CXCL13: variants seen among roughly 807,000 people sequenced by gnomAD.
The protein encoded by CXCL13 is C-X-C motif chemokine 13.
CXCL13 carries 7 observed loss-of-function variants against 12.2 expected under a neutral mutation model. The ratio of observed to expected loss-of-function variants is 0.57; its 90% CI spans 0.33 to 1.07. CXCL13 has a LOEUF of 1.07. Among genes scored for constraint, CXCL13 ranks in the 50% least tolerant of loss-of-function variants. The pLI, the probability that CXCL13 is intolerant of heterozygous loss-of-function variation, is 0.04. For synonymous variants in CXCL13, 47 were observed against 42.4 expected, an observed-to-expected ratio of 1.11 and a Z score of -0.42; for missense variants, 113 against 127.4, an observed-to-expected ratio of 0.89 and a Z score of 0.55.
At chr4:77,577,886 C>G (rs890752094) in intron 1 of CXCL13, among the ~76,000 whole-genome samples, 1 of 152,130 alleles carries the variant, frequency 6.6e-6, no homozygotes, top group Non-Finnish European at 1.5e-5. Flanking sequence ...ATCCTGAACC[C>G]CTGGGACTCC....
At chr4:77,518,271 T>A (rs1017355129) in intron 1 of CXCL13, among the ~76,000 whole-genome samples, 3 of 152,228 alleles carry the variant, frequency 2.0e-5, no homozygotes, top group Admixed American at 2.0e-4. Context: ...CAATTCTGTG[T>A]CTTGGAGTTG....
At chr4:77,577,537 T>A (rs1243896928) in intron 1 of CXCL13, among the ~76,000 whole-genome samples, 1 of 152,142 alleles carries the variant, frequency 6.6e-6, no homozygotes, top group Non-Finnish European at 1.5e-5. Context: ...TGGATAAAGG[T>A]CATGCTAGTA....
rs111340562 is a variant in CXCL13 at position 77,560,373 on chromosome 4, A to G, written c.-42-45451A>G. Among the ~76,000 whole-genome samples, 1,454 of 152,254 alleles carry G rather than the reference A, an allele frequency of 9.5e-3. 6 individuals carry two copies. The highest frequency in any genetic ancestry group is 0.017 in the Middle Eastern group (5 of 294). On this transcript the variant is annotated intron_variant, in intron 1 of 4. Coordinates refer to the CXCL13 transcript ENST00000286758. ...ATTGGCCACCTGCTTCTTTATCTCC[A>G]ACTGCCTCAGCCAAAGGTCAACAGG...
In CXCL13 at chr4:77,558,966, T is replaced by C. The variant is rs141605396; in HGVS notation, c.-42-46858T>C. Among the ~76,000 whole-genome samples, 684 of 152,322 alleles carry C rather than the reference T, an allele frequency of 4.5e-3. 19 individuals carry two copies. Among genetic ancestry groups the C allele is most frequent in the East Asian group, 0.027 (141 of 5,176 alleles). On this transcript the variant is annotated intron_variant, in intron 1 of 4. Coordinates refer to the CXCL13 transcript ENST00000286758. ...TATTCAAGGCCTTAATTGAGCTTGG[T>C]GAAGCCACCCGATTCTATTGCCTCT...
chr4:77,586,179 A>T (rs904130273), intron 1 of CXCL13, among the ~76,000 whole-genome samples: 1 of 152,010 alleles, frequency 6.6e-6, no homozygotes, highest in African/African-American at 2.4e-5. Context: ...CCATATGCAT[A>T]ACCTCGTTTG....
chr4:77,607,903 C>A, intron 2 of CXCL13, 68 bp downstream of exon 2: 1 of 1,468,710 alleles, frequency 6.8e-7, no homozygotes, highest in Non-Finnish European at 9.5e-7. Flanking sequence ...TGTTACCATA[C>A]AGTAGTCTTA....
chr4:77,568,667 G>C (rs1725993969), intron 1 of CXCL13, among the ~76,000 whole-genome samples: 1 of 152,008 alleles, frequency 6.6e-6, no homozygotes, highest in African/African-American at 2.4e-5. Flanking sequence ...GATGCTCTAG[G>C]GTTTTTGGCA....
intron 1 of CXCL13, among the ~76,000 whole-genome samples, chr4:77,581,724 C>T (rs1318136867): frequency 6.6e-6 from 1 of 152,182 alleles, no homozygotes. Flanking sequence ...ACAATCTTTT[C>T]CCACTATCCT....
intron 1 of CXCL13, among the ~76,000 whole-genome samples, chr4:77,513,102 A>G (rs187122476): frequency 8.6e-4 from 131 of 152,266 alleles, no homozygotes; most frequent in African/African-American, 2.9e-3. Context: ...TGAAAAGGAC[A>G]TGAACTCATC....
At chr4:77,521,508 G>T (rs1044388948) in intron 1 of CXCL13, among the ~76,000 whole-genome samples, 3 of 152,106 alleles carry the variant, frequency 2.0e-5, no homozygotes, top group Non-Finnish European at 4.4e-5. Context: ...TTGTGTAGAG[G>T]TGTTTATAGT....
rs1051626987 is a variant in CXCL13 at position 77,547,121 on chromosome 4, C to T, written c.-43+35333C>T. The stretch of plus-strand genomic sequence containing the variant: ...TCTGAGAGACAGTTTGTTGTGATTG[C>T]TGTTCTTTTACATTTGCTGAGGAGT... On this transcript the variant is annotated intron_variant, in intron 1 of 4. Coordinates refer to the CXCL13 transcript ENST00000286758. 2.6e-5 allele frequency among the ~76,000 whole-genome samples: 4 copies of T among 152,266 alleles called. No individual in the cohort carries two copies. The South Asian group carries it at 6.2e-4, about 24-fold the overall frequency.
chr4:77,595,215 T>A (rs536521659), intron 1 of CXCL13, among the ~76,000 whole-genome samples: 6 of 152,204 alleles, frequency 3.9e-5, no homozygotes, highest in African/African-American at 1.4e-4. Flanking sequence ...TTTTGAGTTA[T>A]CTTCTAAGAC....
At chr4:77,530,617 G>A (rs1724887714) in intron 1 of CXCL13, among the ~76,000 whole-genome samples, 1 of 152,140 alleles carries the variant, frequency 6.6e-6, no homozygotes, top group African/African-American at 2.4e-5. Context: ...GATTGGTGGT[G>A]ATATCCCCTT....
intron 1 of CXCL13, among the ~76,000 whole-genome samples, chr4:77,530,356 A>G (rs527836714): frequency 6.6e-6 from 1 of 152,208 alleles, no homozygotes; most frequent in Admixed American, 6.5e-5. Context: ...GAATGGTACC[A>G]GCTCCTCCTT....
chr4:77,522,730 G>A (rs559220938), intron 1 of CXCL13, among the ~76,000 whole-genome samples: 1 of 151,692 alleles, frequency 6.6e-6, no homozygotes, highest in African/African-American at 2.4e-5. Context: ...ATATTGTTAT[G>A]TGTGAATTTG....
intron 1 of CXCL13, among the ~76,000 whole-genome samples, chr4:77,529,826 G>T (rs532966980): frequency 6.6e-6 from 1 of 152,268 alleles, no homozygotes; most frequent in Non-Finnish European, 1.5e-5. Flanking sequence ...AATAGGAGTG[G>T]TGAGAGAGGG....
chr4:77,576,321 C>T (rs145026125), intron 1 of CXCL13, among the ~76,000 whole-genome samples: 1,915 of 152,256 alleles, frequency 0.013, 44 homozygotes, highest in African/African-American at 0.042. Flanking sequence ...TTATTTTGAG[C>T]TATTTATGGC....
intron 1 of CXCL13, among the ~76,000 whole-genome samples, chr4:77,574,740 C>T (rs1049015478): frequency 4.6e-5 from 7 of 151,816 alleles, no homozygotes; most frequent in Non-Finnish European, 7.4e-5. Context: ...TTTTCTTCTG[C>T]CTGTCTGTGT....
chr4:77,535,928 T>A (rs1236883861), intron 1 of CXCL13, among the ~76,000 whole-genome samples: 1 of 152,206 alleles, frequency 6.6e-6, no homozygotes, highest in Non-Finnish European at 1.5e-5. Flanking sequence ...AAGTTGGGTG[T>A]GGAATTGATC....
Sources: gnomAD v4.1 joint callset for allele counts (sites outside exome capture counted in the v4.1 genomes callset) on GRCh38, gnomAD v4.1.1 for gene constraint, MANE v1.5 for transcripts, NCBI Gene and HGNC (gene_info 2026-07-23, HGNC 2026-07-21) for gene names.